ABAT: variants seen among roughly 807,000 people sequenced by gnomAD.
ABAT encodes the protein 4-aminobutyrate aminotransferase, also known as 4-aminobutyrate aminotransferase, mitochondrial.
Under a neutral mutation model 64.6 loss-of-function variants are expected in ABAT, and 45 were observed. That is an observed-to-expected ratio of 0.70 (90% CI 0.55 to 0.89). The LOEUF (loss-of-function observed/expected upper bound fraction) is 0.89, where lower values mean the gene tolerates loss of function less well. ABAT is among the 40% of genes least tolerant of loss of function. ABAT has a pLI of 0.00. For missense variants in ABAT, 633 were observed against 658.4 expected (o/e 0.96, Z 0.42); for synonymous variants, 297 against 250.5 (o/e 1.19, Z -1.75).
intron 1 of ABAT, chr16:8,713,663 C>G (rs2058130820): frequency 1.8e-5 from 6 of 331,800 alleles, no homozygotes; most frequent in Non-Finnish European, 3.7e-5. Flanking sequence ...CCAAGGGGCC[C>G]TTTTCTGTCT....
At position 8,781,797 on chromosome 16, in the gene ABAT, C is replaced by T; in HGVS notation, c.*367C>T. The T allele has an allele frequency of 2.7e-6, 1 of 364,310 alleles. No homozygotes were observed. Among genetic ancestry groups the T allele is most frequent in the South Asian group, 2.2e-5 (1 of 44,522 alleles). 22.6% of individuals were successfully genotyped at this position (364,310 alleles called of 1,614,324 possible). On this transcript the variant is annotated 3_prime_UTR_variant, in exon 16 of 16. Transcript: ENST00000268251. This position sits in a 1 kb window ranked among gnomAD's most constrained non-coding sequence, Gnocchi z 4.5. ...TTACATTTGTTCCTGGGACTGGCAG[C>T]TGGGCCTCCTGGGTGCCAGTCCATC...
chr16:8,774,779 CAAG>C (rs1268203284), intron 12 of ABAT, 108 bp from the exon 13 acceptor site: 201 of 1,356,624 alleles, frequency 1.5e-4, no homozygotes, highest in Non-Finnish European at 2.0e-4. Context: ...CTTCAGAAAA[CAAG>C]CACGATGTGT....
At chr16:8,727,653 A>G (rs916815938) in intron 1 of ABAT, among the ~76,000 whole-genome samples, 5 of 152,218 alleles carry the variant, frequency 3.3e-5, no homozygotes, top group Non-Finnish European at 7.3e-5. Context: ...AAGTATTCAC[A>G]TGATGGGTAA....
Position 8,693,472 on chromosome 16 carries a change from T to C in ABAT, c.-42+18761T>C, listed in dbSNP as rs529036486. On this transcript the variant is annotated intron_variant, in intron 1 of 15. Coordinates refer to ENST00000268251, the MANE Select transcript of ABAT (RefSeq NM_020686.6). ...TACTCTTTTTAGGTCTTTTTATTTT[T>C]AGTTTTTTGAGACAGACTCTGAGTG... Among the ~76,000 whole-genome samples, 35 of 152,308 alleles carry C rather than the reference T, an allele frequency of 2.3e-4. 1 individual carries two copies. In the South Asian group the frequency reaches 6.6e-3, roughly 29 times the overall value.
At chr16:8,762,891 G>C (rs2059837274) in intron 6 of ABAT, among the ~76,000 whole-genome samples, 1 of 152,106 alleles carries the variant, frequency 6.6e-6, no homozygotes, top group African/African-American at 2.4e-5. Context: ...CAGATCACTT[G>C]AGTCCAAGAG....
At chr16:8,735,297 G>T (rs1179977734) in intron 1 of ABAT, among the ~76,000 whole-genome samples, 1 of 151,934 alleles carries the variant, frequency 6.6e-6, no homozygotes, top group Non-Finnish European at 1.5e-5. Context: ...TGTCACCCAG[G>T]CTGGAGAGCA....
intron 3 of ABAT, among the ~76,000 whole-genome samples, chr16:8,746,753 G>T (rs2059343105): frequency 6.6e-6 from 1 of 151,956 alleles, no homozygotes; most frequent in Non-Finnish European, 1.5e-5. Context: ...GCATCACAGA[G>T]GAGATGTATC....
Position 8,783,008 on chromosome 16 carries a change from G to C in ABAT, c.*1578G>C, listed in dbSNP as rs1363297163. ...TTTTTGTTGAAGAATGAAAGGCAAT[G>C]ACAAGTTTAACATATACAAATTCGT... On this transcript the variant is annotated 3_prime_UTR_variant, in exon 16 of 16. Transcript: ENST00000268251. The C allele has an allele frequency of 6.6e-6, 1 of 151,956 alleles. No individual in the cohort carries two copies. The highest frequency in any genetic ancestry group is 2.4e-5 in the African/African-American group (1 of 41,374). 9.4% of individuals were successfully genotyped at this position (151,956 alleles called of 1,614,324 possible).
intron 1 of ABAT, among the ~76,000 whole-genome samples, chr16:8,732,818 C>G (rs1429917615): frequency 6.7e-6 from 1 of 149,352 alleles, no homozygotes; most frequent in Non-Finnish European, 1.5e-5. Flanking sequence ...GCGCCCCTCA[C>G]CTCCCGGACG....
At chr16:8,729,828 TAA>T (rs5815494) in intron 1 of ABAT, among the ~76,000 whole-genome samples, 13 of 128,414 alleles carry the variant, frequency 1.0e-4, no homozygotes, top group African/African-American at 1.2e-4. Flanking sequence ...TTTTTTGTCT[TAA>T]AAAAAAAAAA....
chr16:8,691,526 G>C (rs774507777), intron 1 of ABAT, among the ~76,000 whole-genome samples: 1 of 151,932 alleles, frequency 6.6e-6, no homozygotes, highest in Admixed American at 6.6e-5. Context: ...TGCAATCTCT[G>C]CCTCCTGGGT....
chr16:8,781,951 G>C lies in ABAT; in HGVS notation c.*521G>C. Reference sequence around the variant, plus strand: ...CCCACGCATGGTGCAGGAGGGACTGGACAGATCTGAGGAAGGCCGTAAAAT... The same window carrying C: ...CCCACGCATGGTGCAGGAGGGACTGCACAGATCTGAGGAAGGCCGTAAAAT... On this transcript the variant is annotated 3_prime_UTR_variant, in exon 16 of 16. Transcript: ENST00000268251. The surrounding 1 kb of genome is among the most constrained non-coding windows in gnomAD (Gnocchi z 4.5). 1 of 218,244 alleles carries C rather than the reference G, an allele frequency of 4.6e-6. No individual in the cohort carries two copies. Among genetic ancestry groups the C allele is most frequent in the Non-Finnish European group, 9.3e-6 (1 of 107,272 alleles). The allele number at this position is 218,244 out of a possible 1,614,324, so 13.5% of individuals were successfully genotyped here.
intron 1 of ABAT, among the ~76,000 whole-genome samples, chr16:8,712,008 G>GGA (rs1057197613): frequency 2.2e-4 from 33 of 151,664 alleles, no homozygotes; most frequent in African/African-American, 7.3e-4. Flanking sequence ...GGGAGGTCGG[G>GGA]GGGGAGGGGC....
rs749314702 is a variant in ABAT at position 8,764,034 on chromosome 16, C to T, written c.367-35C>T. On this transcript the variant is annotated intron_variant, in intron 6 of 15. Coordinates refer to ENST00000268251, the MANE Select transcript of ABAT (RefSeq NM_020686.6). The surrounding 1 kb of genome is among the most constrained non-coding windows in gnomAD (Gnocchi z 4.2). Reference sequence around the variant, plus strand: ...GTGGGCAGGGAGCTGGGTCAGGCCCCCAGAAGTCACCATTTGTCTCTTGCC... The same window carrying T: ...GTGGGCAGGGAGCTGGGTCAGGCCCTCAGAAGTCACCATTTGTCTCTTGCC... 1 of 1,597,700 alleles carries T rather than the reference C, an allele frequency of 6.3e-7. No individual in the cohort carries two copies. Among genetic ancestry groups the T allele is most frequent in the South Asian group, 1.1e-5 (1 of 90,718 alleles).
chr16:8,781,906 T>G lies in ABAT; in HGVS notation c.*476T>G. The G allele has an allele frequency of 3.3e-6, 1 of 305,668 alleles. No individual in the cohort carries two copies. The highest frequency in any genetic ancestry group is 6.4e-6 in the Non-Finnish European group (1 of 157,244). 18.9% of individuals were successfully genotyped at this position (305,668 alleles called of 1,614,324 possible). A position where few individuals can be genotyped will look rare whatever the true frequency, so the allele number is the denominator to read the frequency against. ...CACACTCTCACCTCCTCTCCCAGCCTCCCGGAGCTCTGAGCACGCCCCACG... is the reference window on the plus strand; with the variant it reads ...CACACTCTCACCTCCTCTCCCAGCCGCCCGGAGCTCTGAGCACGCCCCACG... On this transcript the variant is annotated 3_prime_UTR_variant, in exon 16 of 16. Coordinates refer to ENST00000268251, the MANE Select transcript of ABAT (RefSeq NM_020686.6). This position sits in a 1 kb window ranked among gnomAD's most constrained non-coding sequence, Gnocchi z 4.5.
chr16:8,712,645 C>T (rs1171049255), intron 1 of ABAT, among the ~76,000 whole-genome samples: 2 of 152,132 alleles, frequency 1.3e-5, no homozygotes, highest in Admixed American at 1.3e-4. Flanking sequence ...TGTTCTGCCC[C>T]GATTTGGGGG....
chr16:8,728,677 C>T (rs1295498356), intron 1 of ABAT, among the ~76,000 whole-genome samples: 4 of 152,002 alleles, frequency 2.6e-5, no homozygotes, highest in Non-Finnish European at 5.9e-5. Context: ...AGATTGAGAA[C>T]CTTCTGGCCA....
Position 8,781,404 on chromosome 16 carries a change from A to T in ABAT, c.1477A>T (p.Ser493Cys). Residue 493 changes from serine (S) to cysteine (C), a missense_variant, in exon 16 of 16, where the codon AGT (serine) becomes TGT (cysteine). Ser to Cys is a moderately radical substitution (Grantham distance 112, BLOSUM62 -1). Coordinates refer to ENST00000268251, the MANE Select transcript of ABAT (RefSeq NM_020686.6). This position sits in a 1 kb window ranked among gnomAD's most constrained non-coding sequence, Gnocchi z 4.5. ...CGCTCACCTGTTCCTCAATATTTTC[A>T]GTGACATCTTAGCAGACTTCAAGTA... ...HHAHLFLNIF[S>C]DILADFK is the part of the protein sequence containing the mutation. 1.9e-6 allele frequency: 3 copies of T among 1,614,224 alleles called. No individual in the cohort carries two copies. The highest frequency in any genetic ancestry group is 2.5e-6 in the Non-Finnish European group (3 of 1,180,042).
At chr16:8,738,349 T>C in intron 2 of ABAT, 1 of 452,718 alleles carries the variant, frequency 2.2e-6, no homozygotes, top group South Asian at 1.6e-5. Context: ...TTAAAGACAC[T>C]AAGAAACTGA....
Sources: gnomAD v4.1 joint callset for allele counts (sites outside exome capture counted in the v4.1 genomes callset) on GRCh38, gnomAD v4.1.1 for gene constraint, Gnocchi (gnomAD v3.1) non-coding constraint, MANE v1.5 for transcripts, NCBI Gene and HGNC (gene_info 2026-07-23, HGNC 2026-07-21) for gene names.